Variants in CSMD1 observed in about 807,000 individuals in gnomAD.
The protein encoded by CSMD1 is CUB and sushi domain-containing protein 1.
Under a neutral mutation model 417.5 loss-of-function variants are expected in CSMD1, and 213 were observed. The ratio of observed to expected loss-of-function variants is 0.51; its 90% CI spans 0.46 to 0.57. The LOEUF (loss-of-function observed/expected upper bound fraction) is 0.57. Ranked by LOEUF, CSMD1 falls within the 20% of genes least tolerant of loss-of-function variation. CSMD1 has a pLI of 0.00. For synonymous variants in CSMD1, 2,862 were observed against 1,736.8 expected (o/e 1.65, Z -16.11); for missense variants, 6,923 against 4,529.7 (o/e 1.53, Z -15.17).
At chr8:4,387,434 T>G (rs1014651780) in intron 3 of CSMD1, among the ~76,000 whole-genome samples, 3 of 151,650 alleles carry the variant, frequency 2.0e-5, no homozygotes, top group African/African-American at 7.2e-5. Flanking sequence ...AAGCATTATG[T>G]CAAGATATGC....
intron 5 of CSMD1, among the ~76,000 whole-genome samples, chr8:3,991,512 C>A (rs1455372342): frequency 2.6e-5 from 4 of 152,176 alleles, no homozygotes; most frequent in Non-Finnish European, 5.9e-5. Context: ...ATATGCTCAA[C>A]AAGCAAGTAT....
At chr8:3,482,235 G>C (rs1479004440) in intron 11 of CSMD1, among the ~76,000 whole-genome samples, 3 of 152,050 alleles carry the variant, frequency 2.0e-5, no homozygotes, top group South Asian at 2.1e-4. Flanking sequence ...ATATCAGAGA[G>C]AGGCAGAATG....
chr8:4,905,830 A>AC (rs1378106754), intron 1 of CSMD1, among the ~76,000 whole-genome samples: 1 of 142,258 alleles, frequency 7.0e-6, no homozygotes, highest in Admixed American at 7.0e-5. Flanking sequence ...AAAAAAAAAA[A>AC]AAAAGAAAAA....
chr8:4,026,016 A>C (rs1460469677), intron 4 of CSMD1, among the ~76,000 whole-genome samples: 3 of 151,878 alleles, frequency 2.0e-5, no homozygotes, highest in Non-Finnish European at 4.4e-5. Flanking sequence ...CTCTATAAAA[A>C]AAAAAAAAAC....
intron 3 of CSMD1, among the ~76,000 whole-genome samples, chr8:4,085,961 T>C (rs560283351): frequency 6.6e-6 from 1 of 152,142 alleles, no homozygotes; most frequent in South Asian, 2.1e-4. Context: ...TGCAAGTCAA[T>C]CTACAATTAC....
chr8:3,451,679 C>G (rs1317395996), intron 12 of CSMD1, among the ~76,000 whole-genome samples: 2 of 152,084 alleles, frequency 1.3e-5, no homozygotes, highest in Non-Finnish European at 2.9e-5. Flanking sequence ...GTCTATATCT[C>G]TGTTTTGGAA....
chr8:4,077,475 T>G (rs1348052058), intron 3 of CSMD1, among the ~76,000 whole-genome samples: 1 of 151,988 alleles, frequency 6.6e-6, no homozygotes, highest in Non-Finnish European at 1.5e-5. Context: ...AAATGTCTAG[T>G]TGAGGCTTCA....
At chr8:4,433,310 G>T (rs13263442) in intron 2 of CSMD1, among the ~76,000 whole-genome samples, 1 of 151,984 alleles carries the variant, frequency 6.6e-6, no homozygotes, top group Non-Finnish European at 1.5e-5. Context: ...TGGCTTCCAC[G>T]AAACTGGTCC....
At chr8:3,274,912 C>A (rs1037845604) in intron 26 of CSMD1, among the ~76,000 whole-genome samples, 1 of 152,112 alleles carries the variant, frequency 6.6e-6, no homozygotes, top group African/African-American at 2.4e-5. Context: ...TTAATTGGTG[C>A]ATTTAGTCCA....
At chr8:4,466,192 G>A (rs1321058954) in intron 2 of CSMD1, among the ~76,000 whole-genome samples, 1 of 152,098 alleles carries the variant, frequency 6.6e-6, no homozygotes. Flanking sequence ...TTAAGATTGG[G>A]CATGATGCTT....
chr8:4,044,520 G>A (rs1338995251), intron 3 of CSMD1, among the ~76,000 whole-genome samples: 1 of 152,216 alleles, frequency 6.6e-6, no homozygotes, highest in African/African-American at 2.4e-5. Flanking sequence ...AGGACAGTCA[G>A]GAGGAGCAGG....
chr8:3,308,769 G>A (rs1805096332), intron 23 of CSMD1, among the ~76,000 whole-genome samples: 1 of 124,366 alleles, frequency 8.0e-6, no homozygotes, highest in Non-Finnish European at 1.6e-5. Context: ...TGTTGCCCAG[G>A]CTGGAGTGCA....
At chr8:3,659,784 T>C (rs1044184089) in intron 7 of CSMD1, among the ~76,000 whole-genome samples, 2 of 152,120 alleles carry the variant, frequency 1.3e-5, no homozygotes, top group African/African-American at 2.4e-5. Flanking sequence ...GAATTCCCAA[T>C]ACGCAATAGA....
chr8:4,328,783 G>C (rs1032412740), intron 3 of CSMD1, among the ~76,000 whole-genome samples: 11 of 152,100 alleles, frequency 7.2e-5, no homozygotes, highest in African/African-American at 2.2e-4. Context: ...ATCTGACAAA[G>C]TATTCTCTTT....
At chr8:3,522,892 A>T (rs1027139631) in intron 10 of CSMD1, among the ~76,000 whole-genome samples, 1 of 149,782 alleles carries the variant, frequency 6.7e-6, no homozygotes, top group Non-Finnish European at 1.5e-5. Context: ...TTACCTTTCA[A>T]TATATTTATA....
chr8:3,012,315 A>C (rs1808451431), intron 52 of CSMD1, among the ~76,000 whole-genome samples: 1 of 152,176 alleles, frequency 6.6e-6, no homozygotes, highest in East Asian at 1.9e-4. Flanking sequence ...TCTTTCCTTA[A>C]ATACAGCTGT....
At chr8:4,264,989 A>G (rs895481679) in intron 3 of CSMD1, among the ~76,000 whole-genome samples, 5 of 152,186 alleles carry the variant, frequency 3.3e-5, no homozygotes, top group Admixed American at 6.6e-5. Context: ...GCAACAATTA[A>G]GAAGCACTTA....
At chr8:3,150,969 A>C (rs1361967853) in intron 40 of CSMD1, among the ~76,000 whole-genome samples, 1 of 152,220 alleles carries the variant, frequency 6.6e-6, no homozygotes, top group Non-Finnish European at 1.5e-5. Context: ...AAAATGTATA[A>C]AACAATACTA....
chr8:3,697,876 C>CT (rs1379718636), intron 7 of CSMD1, among the ~76,000 whole-genome samples: 38 of 152,224 alleles, frequency 2.5e-4, no homozygotes, highest in African/African-American at 8.9e-4. Flanking sequence ...AAAGAATGTG[C>CT]TCTCTAGCCA....
Sources: allele counts gnomAD v4.1 joint callset (sites outside exome capture counted in the v4.1 genomes callset), GRCh38; gene constraint gnomAD v4.1.1; transcripts MANE v1.5; gene names NCBI Gene and HGNC (gene_info 2026-07-23, HGNC 2026-07-21).